Variants in SPATC1 observed in about 807,000 individuals in gnomAD.
SPATC1 encodes speriolin.
A neutral mutation model predicts 36.5 loss-of-function variants in SPATC1; 35 were observed. The ratio of observed to expected loss-of-function variants is 0.96; its 90% CI spans 0.73 to 1.27. SPATC1 has a LOEUF of 1.27. Among genes scored for constraint, SPATC1 ranks in the 50% most tolerant of loss-of-function variants. The probability of loss-of-function intolerance (pLI) is 0.00; values close to 1 mark genes in which losing one functional copy is unlikely to be tolerated. For synonymous variants in SPATC1, 361 were observed against 353.6 expected (o/e 1.02, Z -0.24); for missense variants, 779 against 796.0 (o/e 0.98, Z 0.26).
rs138639434 is a variant in SPATC1 at position 144,016,623 on chromosome 8, G to GT, written c.211+3904dup. On this transcript the variant is annotated intron_variant, in intron 1 of 4. Transcript: ENST00000377470. The surrounding 1 kb of genome is among the most constrained non-coding windows in gnomAD (Gnocchi z 4.5). ...ATGGTTTTTGTTTGTTTGTTTGTTT[G>GT]TTTTTTTGTTTGTTTGTTTTTGAGA... Among the ~76,000 whole-genome samples, 1 of 151,124 alleles carries GT rather than the reference G, an allele frequency of 6.6e-6. No homozygotes were observed. Among genetic ancestry groups the GT allele is most frequent in the Non-Finnish European group, 1.5e-5 (1 of 67,920 alleles).
At position 144,041,050 on chromosome 8, in the gene SPATC1, G is replaced by A. The variant is rs781984966; in HGVS notation, c.1249G>A (p.Glu417Lys). The A allele has an allele frequency of 8.1e-6, 13 of 1,605,606 alleles. No homozygotes were observed. Among genetic ancestry groups the A allele is most frequent in the Non-Finnish European group, 1.1e-5 (13 of 1,176,362 alleles). ...TTEPSTKSMM[E>K]VERKLAHRKT... Reference sequence around the variant, plus strand: ...AGAACCGTCGACGAAGAGCATGATGGAGGTGGAACGGAAGCTGGCCCACCG... The same window carrying A: ...AGAACCGTCGACGAAGAGCATGATGAAGGTGGAACGGAAGCTGGCCCACCG... Residue 417 changes from glutamate to lysine, a missense_variant, in exon 3 of 5, where the codon GAG (glutamate) becomes AAG (lysine). Glu to Lys is a moderately conservative substitution (Grantham distance 56). Transcript: ENST00000377470.
chr8:144,022,619 C>T lies in SPATC1; in HGVS notation c.211+9893C>T, dbSNP rs1195166117. Among the ~76,000 whole-genome samples, 56 of 148,926 alleles carry T rather than the reference C, an allele frequency of 3.8e-4. 1 individual carries two copies. Among genetic ancestry groups the T allele is most frequent in the African/African-American group, 1.0e-3 (41 of 40,156 alleles). ...AACCTCTTCCCTGAGGAGCCTTTCC[C>T]CTCAAGACCCTCCCACTTCAGGTCT... is the stretch of plus-strand genomic sequence containing the variant. On this transcript the variant is annotated intron_variant, in intron 1 of 4. Coordinates refer to ENST00000377470, the MANE Select transcript of SPATC1 (RefSeq NM_198572.3).
Position 144,040,008 on chromosome 8 carries a change from T to C in SPATC1, c.311T>C (p.Leu104Ser), listed in dbSNP as rs781931960. ...CCCCTGGCCGAGATGCTAACCAGCTTGCAGCCCAGCGCCACACCGGGCTCA... is the reference window on the plus strand; with the variant it reads ...CCCCTGGCCGAGATGCTAACCAGCTCGCAGCCCAGCGCCACACCGGGCTCA... The part of the protein sequence containing the change: ...LAPLAEMLTS[L>S]QPSATPGSLM... Residue 104 changes from leucine (L) to serine (S), a missense_variant, in exon 2 of 5, where the codon TTG (leucine) becomes TCG (serine). Leu to Ser is a moderately radical substitution (Grantham distance 145). Transcript: ENST00000377470. 4.3e-6 allele frequency: 7 copies of C among 1,613,762 alleles called. No homozygotes were observed. The Admixed American group carries it at 6.7e-5, about 15-fold the overall frequency.
At chr8:144,042,094 G>C (rs1010710479) in intron 4 of SPATC1, 2 of 801,922 alleles carry the variant, frequency 2.5e-6, no homozygotes, top group Non-Finnish European at 3.0e-6. Context: ...GTACACAACA[G>C]TGTATGTACC....
chr8:144,026,193 C>T (rs1036266320), intron 1 of SPATC1, among the ~76,000 whole-genome samples: 1 of 152,040 alleles, frequency 6.6e-6, no homozygotes, highest in South Asian at 2.1e-4. Context: ...ATCATATATG[C>T]GGTCTTTTGT....
Position 144,045,837 on chromosome 8 carries a change from C to T in SPATC1, c.1447-790C>T, listed in dbSNP as rs546083493. Among the ~76,000 whole-genome samples, 3 of 152,376 alleles carry T rather than the reference C, an allele frequency of 2.0e-5. No individual in the cohort carries two copies. The South Asian group carries it at 6.2e-4, about 32-fold the overall frequency. On this transcript the variant is annotated intron_variant, in intron 4 of 4. Transcript: ENST00000377470. This position sits in a 1 kb window ranked among gnomAD's most constrained non-coding sequence, Gnocchi z 5.2. ...ATTGAGCTGGGCACTGGGCTTCCCA[C>T]AACTGCCCAGGTCACACATCCAGGG...
intron 1 of SPATC1, among the ~76,000 whole-genome samples, chr8:144,039,142 T>C (rs1834991861): frequency 6.6e-6 from 1 of 152,220 alleles, no homozygotes; most frequent in East Asian, 1.9e-4. Context: ...TGAAATTGCA[T>C]ACTCACAAAA....
rs1384879774 is a variant in SPATC1, at chr8:144,034,427, A to T, written c.212-5482A>T. ...ATGCATTTTTTTTTTTTTTTAGAAA[A>T]CACTTTTCTTCATAAAGTTTGTTTT... On this transcript the variant is annotated intron_variant, in intron 1 of 4. Transcript: ENST00000377470. Among the ~76,000 whole-genome samples the T allele has an allele frequency of 1.1e-3, 162 of 151,740 alleles. 1 individual carries two copies. The Middle Eastern group carries it at 0.024, about 22-fold the overall frequency.
intron 1 of SPATC1, among the ~76,000 whole-genome samples, chr8:144,029,737 G>A (rs1165835751): frequency 2.0e-5 from 3 of 152,098 alleles, no homozygotes; most frequent in Admixed American, 6.5e-5. Flanking sequence ...GATCCATCCT[G>A]GAGAATGTTT....
chr8:144,028,249 T>A (rs2133121845), intron 1 of SPATC1, among the ~76,000 whole-genome samples: 1 of 152,042 alleles, frequency 6.6e-6, no homozygotes, highest in South Asian at 2.1e-4. Flanking sequence ...CAAAAGAAAC[T>A]ATCATCAGAG....
intron 1 of SPATC1, among the ~76,000 whole-genome samples, chr8:144,014,411 G>A (rs72695424): frequency 1.8e-4 from 18 of 99,550 alleles, no homozygotes; most frequent in African/African-American, 5.2e-4. Context: ...GAAGAAGAAG[G>A]AGGAGGAGGA....
chr8:144,019,236 C>T (rs942420154), intron 1 of SPATC1, among the ~76,000 whole-genome samples: 4 of 152,026 alleles, frequency 2.6e-5, no homozygotes, highest in African/African-American at 4.8e-5. Flanking sequence ...CAGGCAGTGC[C>T]GAGGATGGCT....
chr8:144,025,570 C>G (rs1396025408), intron 1 of SPATC1, among the ~76,000 whole-genome samples: 3 of 152,152 alleles, frequency 2.0e-5, no homozygotes, highest in East Asian at 3.9e-4. Flanking sequence ...TACATATTGC[C>G]TTGGAATATC....
intron 2 of SPATC1, 41 bp downstream of exon 2, chr8:144,040,504 G>C: frequency 1.3e-6 from 2 of 1,562,468 alleles, no homozygotes; most frequent in South Asian, 1.2e-5. Context: ...AGTGGGGGGG[G>C]GCAGAGCCCT....
chr8:144,013,105 C>T (rs1834313135), intron 1 of SPATC1, among the ~76,000 whole-genome samples: 1 of 152,158 alleles, frequency 6.6e-6, no homozygotes, highest in African/African-American at 2.4e-5. Context: ...GCCTCTACAG[C>T]TTGGCAACGA....
intron 1 of SPATC1, among the ~76,000 whole-genome samples, chr8:144,025,876 C>A (rs1834667478): frequency 6.6e-6 from 1 of 152,142 alleles, no homozygotes. Context: ...GCCTTTTCTG[C>A]CACAATAAAT....
At chr8:144,022,613 C>T (rs1183708115) in intron 1 of SPATC1, among the ~76,000 whole-genome samples, 2 of 126,234 alleles carry the variant, frequency 1.6e-5, no homozygotes, top group African/African-American at 6.1e-5. Context: ...CCTGAGGAGC[C>T]TTTCCCCTCA....
intron 1 of SPATC1, among the ~76,000 whole-genome samples, chr8:144,029,822 T>C (rs1218666661): frequency 6.6e-6 from 1 of 152,230 alleles, no homozygotes; most frequent in African/African-American, 2.4e-5. Context: ...TTAGAGCTAG[T>C]TGGTTTATAG....
intron 1 of SPATC1, among the ~76,000 whole-genome samples, chr8:144,013,942 C>A (rs1834329732): frequency 6.6e-6 from 1 of 151,880 alleles, no homozygotes; most frequent in South Asian, 2.1e-4. Context: ...GTCAACAGAG[C>A]GAGACTCCAT....
Sources: gnomAD v4.1 joint callset for allele counts (sites outside exome capture counted in the v4.1 genomes callset) on GRCh38, gnomAD v4.1.1 for gene constraint, Gnocchi (gnomAD v3.1) non-coding constraint, MANE v1.5 for transcripts, NCBI Gene and HGNC (gene_info 2026-07-23, HGNC 2026-07-21) for gene names.